Variants in FBN1 observed in about 807,000 individuals in gnomAD.
The protein encoded by FBN1 is fibrillin 1.
FBN1 carries 29 observed loss-of-function variants against 365.1 expected under a neutral mutation model. The observed-to-expected ratio is 0.08, with a 90% CI of 0.06 to 0.11. FBN1 has a LOEUF of 0.11. FBN1 is among the 10% of genes least tolerant of loss of function. FBN1 has a pLI of 1.00. For synonymous variants in FBN1, 1,210 were observed against 1,270.5 expected (o/e 0.95, Z 1.01); for missense variants, 2,476 against 3,703.2 (o/e 0.67, Z 8.60).
intron 4 of FBN1, among the ~76,000 whole-genome samples, chr15:48,600,628 T>TG (rs561028276): frequency 1.8e-4 from 27 of 152,102 alleles, no homozygotes; most frequent in African/African-American, 6.3e-4. Flanking sequence ...CGCTTGAACC[T>TG]GGGGGGGCAG....
rs749658990 is a variant in FBN1 at position 48,464,046 on chromosome 15, T to C, written c.4943-25A>G. 3.7e-6 allele frequency: 6 copies of C among 1,612,254 alleles called. No homozygotes were observed. The Admixed American group carries it at 5.0e-5, about 13-fold the overall frequency. ...TCTATAATCCAAAGAGAAAGTGGTA[T>C]GTGAATATGAAAACTTCACATTTTG... is the stretch of plus-strand genomic sequence containing the variant. On this transcript the variant is annotated intron_variant, in intron 40 of 65. Coordinates refer to ENST00000316623, the MANE Select transcript of FBN1 (RefSeq NM_000138.5).
In FBN1 at chr15:48,593,517, T is replaced by C. The variant is rs572923877; in HGVS notation, c.538+2766A>G. On this transcript the variant is annotated intron_variant, in intron 6 of 65. Transcript: ENST00000316623. ...AGATGGGACCAAATTCAATTAGATATCAACATTGTAATCAGCTCTGTTTAG... is the reference window on the plus strand; with the variant it reads ...AGATGGGACCAAATTCAATTAGATACCAACATTGTAATCAGCTCTGTTTAG... 6.6e-5 allele frequency among the ~76,000 whole-genome samples: 10 copies of C among 152,304 alleles called. No homozygotes were observed. In the South Asian group the frequency reaches 1.7e-3, roughly 25 times the overall value.
At chr15:48,498,894 T>A in intron 18 of FBN1, 91 bp downstream of exon 18, 1 of 1,211,760 alleles carries the variant, frequency 8.3e-7, no homozygotes, top group Non-Finnish European at 1.2e-6. Context: ...CAGGCCAGAC[T>A]AGTGTAAAGG....
chr15:48,524,686 C>T (rs1319342579), intron 9 of FBN1, among the ~76,000 whole-genome samples: 3 of 152,046 alleles, frequency 2.0e-5, no homozygotes, highest in Non-Finnish European at 2.9e-5. Context: ...ACTCAGGTCA[C>T]GGTGGAATCC....
intron 2 of FBN1, among the ~76,000 whole-genome samples, chr15:48,626,571 G>T (rs1889885803): frequency 6.6e-6 from 1 of 152,010 alleles, no homozygotes; most frequent in South Asian, 2.1e-4. Context: ...TGTTGCTCAG[G>T]AACAAAAATA....
intron 6 of FBN1, among the ~76,000 whole-genome samples, chr15:48,552,069 A>G (rs951587710): frequency 2.6e-5 from 4 of 152,158 alleles, no homozygotes; most frequent in Admixed American, 6.5e-5. Context: ...TAGGTCTTTG[A>G]GGAATCACCA....
intron 32 of FBN1, among the ~76,000 whole-genome samples, chr15:48,480,459 T>A (rs923992895): frequency 6.6e-6 from 1 of 152,122 alleles, no homozygotes; most frequent in Admixed American, 6.5e-5. Flanking sequence ...GTGCCATTTA[T>A]CAGAATGGAC....
chr15:48,465,427 G>A lies in FBN1; in HGVS notation c.4942+141C>T, dbSNP rs117949013. On this transcript the variant is annotated intron_variant, in intron 40 of 65. Coordinates refer to ENST00000316623, the MANE Select transcript of FBN1 (RefSeq NM_000138.5). ...AACATTAGTCCAAATTGCCACATGT[G>A]AGACATATCTACCTGGCTATGTTCG... The A allele has an allele frequency of 4.9e-3, 4,466 of 914,818 alleles. 33 individuals carry two copies. The highest frequency in any genetic ancestry group is 4.5e-3 in the Non-Finnish European group (2,602 of 572,276). 56.7% of individuals were successfully genotyped at this position (914,818 alleles called of 1,614,324 possible).
At chr15:48,446,870 G>C (rs905855789) in intron 46 of FBN1, 48 bp from the exon 47 acceptor site, 2 of 1,302,814 alleles carry the variant, frequency 1.5e-6, no homozygotes, top group African/African-American at 2.9e-5. Flanking sequence ...AGTAGAAAAA[G>C]TGGTTACACG....
chr15:48,553,385 A>C (rs560663390), intron 6 of FBN1, among the ~76,000 whole-genome samples: 20 of 152,200 alleles, frequency 1.3e-4, no homozygotes, highest in Non-Finnish European at 8.8e-5. Flanking sequence ...ACAATACGTC[A>C]ATAAGAATGG....
At chr15:48,452,722 A>C in intron 44 of FBN1, 38 bp from the exon 45 acceptor site, 1 of 1,613,034 alleles carries the variant, frequency 6.2e-7, no homozygotes, top group East Asian at 2.2e-5. Flanking sequence ...AGGAGAACAG[A>C]ATCTGGTGTC....
At chr15:48,465,946 T>C in intron 38 of FBN1, 88 bp from the exon 39 acceptor site, 2 of 893,798 alleles carry the variant, frequency 2.2e-6, no homozygotes, top group South Asian at 1.4e-5. Flanking sequence ...CATATCCAAC[T>C]GAAAATGTTC....
intron 51 of FBN1, 110 bp from the exon 52 acceptor site, chr15:48,437,497 A>G: frequency 9.7e-7 from 1 of 1,033,838 alleles, no homozygotes; most frequent in African/African-American, 1.6e-5. Flanking sequence ...TTGATAAATG[A>G]TGGAAAAAAC....
At chr15:48,610,134 C>T (rs537137613) in intron 4 of FBN1, among the ~76,000 whole-genome samples, 31 of 151,986 alleles carry the variant, frequency 2.0e-4, no homozygotes, top group Non-Finnish European at 3.7e-4. Flanking sequence ...TGCCCAAACC[C>T]CCAAAAGAAA....
intron 5 of FBN1, among the ~76,000 whole-genome samples, chr15:48,598,473 A>T (rs370710012): frequency 1.7e-4 from 26 of 152,322 alleles, no homozygotes; most frequent in African/African-American, 6.3e-4. Context: ...GGAAGAAAAC[A>T]TAGTATGTAT....
Position 48,606,289 on chromosome 15 carries a change from C to T in FBN1, c.346+4439G>A, listed in dbSNP as rs573353453. Among the ~76,000 whole-genome samples, 16 of 152,232 alleles carry T rather than the reference C, an allele frequency of 1.1e-4. No individual in the cohort carries two copies. In the East Asian group the frequency reaches 1.4e-3, roughly 13 times the overall value. On this transcript the variant is annotated intron_variant, in intron 4 of 65. Transcript: ENST00000316623. ...CAAACTTGTACACAAATGTTCATAG[C>T]AGCTTAGTTCAAATAATAAAGAAAA...
chr15:48,421,568 G>A lies in FBN1; in HGVS notation c.7689C>T (p.Ser2563=). The A allele has an allele frequency of 6.2e-7, 1 of 1,612,844 alleles. No individual in the cohort carries two copies. ...GAAGTCTCCACCCACCTTCACAGCT[G>A]GAGCCGGTCTGATCAAGTGAGAATC... ...QRGFSLDQTG[S]SCEDVDECEG... Residue 2563 remains serine (S), a synonymous_variant, in exon 62 of 66, where the codon TCC becomes TCT. Transcript: ENST00000316623.
At chr15:48,579,308 A>G (rs551805700) in intron 6 of FBN1, among the ~76,000 whole-genome samples, 17 of 152,318 alleles carry the variant, frequency 1.1e-4, no homozygotes, top group African/African-American at 3.8e-4. Flanking sequence ...TAAAAATTCC[A>G]TATCAGCTGA....
rs770541711 is a variant in FBN1 at position 48,415,550 on chromosome 15, G to A, written c.8037C>T (p.Phe2679=). The A allele has an allele frequency of 7.4e-6, 12 of 1,613,564 alleles. 1 individual carries two copies. The South Asian group carries it at 1.2e-4, about 16-fold the overall frequency. The change falls in exon 64 of 66, where the codon TTC becomes TTT. Residue 2679 remains phenylalanine, a synonymous_variant. Coordinates refer to ENST00000316623, the MANE Select transcript of FBN1 (RefSeq NM_000138.5). ...GCACTGCTTACCCTTGGCCTATGCG[G>A]AAGTAACCAGGTGGACAGCCACACA... ...GYLCGCPPGY[F]RIGQGHCVSG... is the part of the protein sequence containing the mutation.
Sources: gnomAD v4.1 joint callset for allele counts (sites outside exome capture counted in the v4.1 genomes callset) on GRCh38, gnomAD v4.1.1 for gene constraint, MANE v1.5 for transcripts, NCBI Gene and HGNC (gene_info 2026-07-23, HGNC 2026-07-21) for gene names.